The following REV1 variants were observed in gnomAD, a reference collection of about 807,000 sequenced individuals.
REV1 encodes REV1 DNA directed polymerase.
In REV1, 42 loss-of-function variants were observed where a neutral mutation model predicts 137.4. The ratio of observed to expected loss-of-function variants is 0.31; its 90% CI spans 0.24 to 0.40. REV1 has a LOEUF of 0.40. REV1 is among the 10% of genes least tolerant of loss of function. The pLI is 1.00. For synonymous variants in REV1, 524 were observed against 519.2 expected (o/e 1.01, Z -0.12); for missense variants, 1,282 against 1,490.1 (o/e 0.86, Z 2.30).
At chr2:99,459,060 T>C (rs965341850) in intron 3 of REV1, among the ~76,000 whole-genome samples, 2 of 151,892 alleles carry the variant, frequency 1.3e-5, no homozygotes, top group African/African-American at 4.8e-5. Context: ...TACAAAAAAT[T>C]AGCCAGGCGT....
chr2:99,435,993 A>C (rs1480595272), intron 6 of REV1, 52 bp from the exon 7 acceptor site: 1 of 998,202 alleles, frequency 1.0e-6, no homozygotes, highest in Non-Finnish European at 1.6e-6. Context: ...TACTATTTAA[A>C]ACATCAGGTC....
intron 1 of REV1, among the ~76,000 whole-genome samples, chr2:99,486,875 G>A (rs1460477389): frequency 6.6e-6 from 1 of 151,922 alleles, no homozygotes; most frequent in Non-Finnish European, 1.5e-5. Context: ...TTGAGAACAG[G>A]GCTGGCAGCA....
At position 99,410,781 on chromosome 2, in the gene REV1, T is replaced by G; in HGVS notation, c.2259A>C (p.Leu753=). The change falls in exon 14 of 23, where the codon CTA becomes CTC. Residue 753 remains leucine (L), a synonymous_variant. Transcript: ENST00000258428. The stretch of plus-strand genomic sequence containing the variant: ...GCTTTCGTACCATGATTTTGAGAGT[T>G]AGACGTTTACCCTTCATGCCAGTGG... ...LEATGMKGKR[L]TLKIMVRKPG... is the part of the protein sequence containing the mutation. 2 of 1,612,848 alleles carry G rather than the reference T, an allele frequency of 1.2e-6. No individual in the cohort carries two copies. Among genetic ancestry groups the G allele is most frequent in the South Asian group, 2.2e-5 (2 of 90,684 alleles).
At chr2:99,434,964 G>A (rs1021407108) in intron 7 of REV1, among the ~76,000 whole-genome samples, 3 of 151,942 alleles carry the variant, frequency 2.0e-5, no homozygotes, top group Non-Finnish European at 4.4e-5. Context: ...TTACTTTCCT[G>A]TATCATTTCC....
At chr2:99,458,521 G>C (rs1041949508) in intron 3 of REV1, among the ~76,000 whole-genome samples, 1 of 152,282 alleles carries the variant, frequency 6.6e-6, no homozygotes, top group African/African-American at 2.4e-5. Context: ...GTAACAGTTT[G>C]GCAGTTTCTT....
At chr2:99,417,502 C>T (rs1678062573) in intron 12 of REV1, among the ~76,000 whole-genome samples, 1 of 152,136 alleles carries the variant, frequency 6.6e-6, no homozygotes, top group Non-Finnish European at 1.5e-5. Flanking sequence ...AAAACAAGGT[C>T]ATATTGATGA....
rs1675321078 is a variant in REV1 at position 99,401,063 on chromosome 2, A to G, written c.*178T>C. 1 of 449,186 alleles carries G rather than the reference A, an allele frequency of 2.2e-6. No individual in the cohort carries two copies. The highest frequency in any genetic ancestry group is 1.9e-5 in the African/African-American group (1 of 51,546). The allele number at this position is 449,186 out of a possible 1,614,324, so 27.8% of individuals were successfully genotyped here. A position where few individuals can be genotyped will look rare whatever the true frequency, so the allele number is the denominator to read the frequency against. On this transcript the variant is annotated 3_prime_UTR_variant, in exon 23 of 23. Coordinates refer to ENST00000258428, the MANE Select transcript of REV1 (RefSeq NM_016316.4). ...ATGCTACAGTAAAATAATTAACACA[A>G]TTATTTACATGCAATACTGACAAAT...
intron 1 of REV1, among the ~76,000 whole-genome samples, chr2:99,475,353 G>A (rs1032475128): frequency 2.0e-5 from 3 of 152,188 alleles, no homozygotes; most frequent in African/African-American, 7.2e-5. Flanking sequence ...TGCTGAGAAG[G>A]ATAAAAACAC....
Position 99,410,723 on chromosome 2 carries a change from C to T in REV1, c.2317G>A (p.Gly773Ser). The T allele has an allele frequency of 6.3e-7, 1 of 1,594,694 alleles. No individual in the cohort carries two copies. Among genetic ancestry groups the T allele is most frequent in the Non-Finnish European group, 8.5e-7 (1 of 1,174,920 alleles). ...GAPVETAKFG[G>S]HGICDNIART... is the part of the protein sequence containing the mutation. ...GCAATGTTATCACAAATTCCATGGCCTCCAAATTTTGCAGTTTCTACAGGA... is the reference window on the plus strand; with the variant it reads ...GCAATGTTATCACAAATTCCATGGCTTCCAAATTTTGCAGTTTCTACAGGA... Residue 773 changes from glycine to serine, a missense_variant, in exon 14 of 23, where the codon GGC becomes AGC. Physicochemically the swap from Gly to Ser is moderately conservative, Grantham distance 56. Coordinates refer to ENST00000258428, the MANE Select transcript of REV1 (RefSeq NM_016316.4).
intron 6 of REV1, among the ~76,000 whole-genome samples, chr2:99,437,589 G>A (rs961392778): frequency 2.0e-5 from 3 of 151,912 alleles, no homozygotes; most frequent in Admixed American, 6.6e-5. Flanking sequence ...TCAAAATAAC[G>A]CTTTTAAACA....
At chr2:99,407,058 T>C (rs1321444540) in intron 15 of REV1, 2 of 124,870 alleles carry the variant, frequency 1.6e-5, no homozygotes, top group African/African-American at 5.9e-5. Context: ...TATGCACACA[T>C]AAAACTAAAC....
Position 99,462,680 on chromosome 2 carries a change from T to G in REV1, c.55-58A>C, listed in dbSNP as rs1037592277. ...AGGTTACATTTTCTCCCCCCTTTTT[T>G]GAAAAAAAAAAATTTTAAAAACTAA... is the stretch of plus-strand genomic sequence containing the variant. On this transcript the variant is annotated intron_variant, in intron 2 of 22. Coordinates refer to ENST00000258428, the MANE Select transcript of REV1 (RefSeq NM_016316.4). 3.4e-5 allele frequency: 53 copies of G among 1,555,282 alleles called. No individual in the cohort carries two copies. In the African/African-American group the frequency reaches 6.9e-4, roughly 20 times the overall value.
intron 4 of REV1, 30 bp downstream of exon 4, chr2:99,449,302 AATTT>A (rs760279696): frequency 2.4e-6 from 3 of 1,259,116 alleles, no homozygotes; most frequent in Non-Finnish European, 3.2e-6. Context: ...TAACTTTAAA[AATTT>A]ATTAATTAAA....
chr2:99,409,703 G>A (rs774077257), intron 14 of REV1, among the ~76,000 whole-genome samples: 1 of 151,858 alleles, frequency 6.6e-6, no homozygotes, highest in African/African-American at 2.4e-5. Flanking sequence ...AATTCGCTGG[G>A]CATGGTGGCA....
intron 12 of REV1, among the ~76,000 whole-genome samples, chr2:99,413,177 T>C (rs1045788328): frequency 2.6e-5 from 4 of 152,218 alleles, no homozygotes; most frequent in Admixed American, 6.5e-5. Flanking sequence ...CACATATAGA[T>C]GAACCAGAAA....
In REV1 at chr2:99,456,106, C is replaced by A. The variant is rs1196501374; in HGVS notation, c.181+6390G>T. On this transcript the variant is annotated intron_variant, in intron 3 of 22. Transcript: ENST00000258428. ...AAAAATAAACATGCCCAGAGCCTACCTCCCAGATTACAATGCAGGCCTCAA... is the reference window on the plus strand; with the variant it reads ...AAAAATAAACATGCCCAGAGCCTACATCCCAGATTACAATGCAGGCCTCAA... 2.6e-5 allele frequency among the ~76,000 whole-genome samples: 4 copies of A among 152,244 alleles called. No individual in the cohort carries two copies. The East Asian group carries it at 7.7e-4, about 29-fold the overall frequency.
Position 99,406,460 on chromosome 2 carries a change from T to C in REV1, c.2479A>G (p.Thr827Ala). The change falls in exon 16 of 23, where the codon ACT becomes GCT. Residue 827 changes from threonine (T) to alanine (A), a missense_variant. Around this residue, in one of 7 missense-constraint regions of REV1, gnomAD observed 372 missense variants for 482.3 expected, o/e 0.77. Coordinates refer to ENST00000258428, the MANE Select transcript of REV1 (RefSeq NM_016316.4). ...VGIHVNQLVP[T>A]NLNPSTCPSR... ...GGACATGTGGAAGGGTTCAGATTAG[T>C]TGGAACCAACTGATTCACGTGAATC... is the stretch of plus-strand genomic sequence containing the variant. 2 of 1,610,778 alleles carry C rather than the reference T, an allele frequency of 1.2e-6. No individual in the cohort carries two copies. The highest frequency in any genetic ancestry group is 1.7e-6 in the Non-Finnish European group (2 of 1,178,374).
intron 4 of REV1, among the ~76,000 whole-genome samples, chr2:99,446,084 CCT>C (rs1375000716): frequency 3.3e-5 from 5 of 152,100 alleles, no homozygotes; most frequent in Admixed American, 3.3e-4. Context: ...AAAAGGATTC[CCT>C]GTTACAATGA....
chr2:99,407,969 C>T, intron 15 of REV1, 60 bp downstream of exon 15: 1 of 1,012,452 alleles, frequency 9.9e-7, no homozygotes, highest in East Asian at 2.7e-5. Context: ...TGAGAGCAAG[C>T]CTCAAAAATG....
Sources: allele counts gnomAD v4.1 joint callset (sites outside exome capture counted in the v4.1 genomes callset), GRCh38; gene constraint gnomAD v4.1.1; regional missense constraint gnomAD v4.1.1; transcripts MANE v1.5; gene names NCBI Gene and HGNC (gene_info 2026-07-23, HGNC 2026-07-21).